The following TPCN1 variants were observed in gnomAD, a reference collection of about 807,000 sequenced individuals.
TPCN1 encodes the protein two pore channel protein 1.
Under a neutral mutation model 108.8 loss-of-function variants are expected in TPCN1, and 52 were observed. The observed-to-expected ratio is 0.48, with a 90% CI of 0.38 to 0.60. The LOEUF is 0.60. Among genes scored for constraint, TPCN1 ranks in the 20% least tolerant of loss-of-function variants. TPCN1 has a pLI of 0.00. For missense variants in TPCN1, 806 were observed against 1,072.8 expected, an observed-to-expected ratio of 0.75 and a Z score of 3.47; for synonymous variants, 446 against 433.7, an observed-to-expected ratio of 1.03 and a Z score of -0.35.
chr12:113,243,163 A>C (rs1343102066), intron 2 of TPCN1, among the ~76,000 whole-genome samples: 1 of 152,072 alleles, frequency 6.6e-6, no homozygotes, highest in Non-Finnish European at 1.5e-5. Flanking sequence ...TGATGTCAGA[A>C]GTTCAAGACC....
At chr12:113,222,018 C>T (rs1953252313) in intron 1 of TPCN1, among the ~76,000 whole-genome samples, 1 of 152,224 alleles carries the variant, frequency 6.6e-6, no homozygotes, top group African/African-American at 2.4e-5. Flanking sequence ...AGCTGAACCT[C>T]TTCCCCTAGG....
intron 27 of TPCN1, chr12:113,294,041 T>A (rs1039999479): frequency 6.6e-6 from 1 of 152,448 alleles, no homozygotes; most frequent in Non-Finnish European, 1.5e-5. Flanking sequence ...TTTCACCATG[T>A]TGGCCAGGCT....
At chr12:113,234,064 G>C (rs1953795082) in intron 2 of TPCN1, among the ~76,000 whole-genome samples, 1 of 151,938 alleles carries the variant, frequency 6.6e-6, no homozygotes. Context: ...TCTAAATGGA[G>C]TTCCATACCT....
At position 113,269,979 on chromosome 12, in the gene TPCN1, C is replaced by G; in HGVS notation, c.748+134C>G. The G allele has an allele frequency of 1.1e-6, 1 of 888,336 alleles. No individual in the cohort carries two copies. The highest frequency in any genetic ancestry group is 1.8e-6 in the Non-Finnish European group (1 of 565,468). The allele number at this position is 888,336 out of a possible 1,614,324, so 55.0% of individuals were successfully genotyped here. ...TGGGAGGCCAAGGTGGGTGGGTAAC[C>G]TAGGTCAGGAGTTTGAGGCCAGCCT... On this transcript the variant is annotated intron_variant, in intron 7 of 27. Transcript: ENST00000335509. The surrounding 1 kb of genome is among the most constrained non-coding windows in gnomAD (Gnocchi z 5.0).
Position 113,268,061 on chromosome 12 carries a change from A to G in TPCN1, c.528+105A>G. On this transcript the variant is annotated intron_variant, in intron 5 of 27. Transcript: ENST00000335509. This position sits in a 1 kb window ranked among gnomAD's most constrained non-coding sequence, Gnocchi z 7.3. ...TCAGAATCCACCATGGGCCCAGTCC[A>G]TGCTCAGAGGTGTAACCCTAGGGTC... 2.4e-6 allele frequency: 2 copies of G among 846,600 alleles called. No homozygotes were observed. Among genetic ancestry groups the G allele is most frequent in the South Asian group, 1.5e-5 (1 of 65,126 alleles). 52.4% of individuals were successfully genotyped at this position (846,600 alleles called of 1,614,324 possible).
At chr12:113,247,791 G>A (rs766030950) in intron 2 of TPCN1, among the ~76,000 whole-genome samples, 9 of 152,216 alleles carry the variant, frequency 5.9e-5, no homozygotes, top group Non-Finnish European at 1.2e-4. Flanking sequence ...TGGCTTTCTT[G>A]AAAAGTCCCT....
At position 113,288,155 on chromosome 12, in the gene TPCN1, T is replaced by C; in HGVS notation, c.1635-8T>C. The stretch of plus-strand genomic sequence containing the variant: ...TGTGTGGAGGTGACGGGTGTCCTCC[T>C]CGCTCAGGTTGTTTAAGTTGAAGGA... On this transcript the variant is annotated splice_polypyrimidine_tract_variant and splice_region_variant and intron_variant, in intron 19 of 27. Coordinates refer to ENST00000335509, the MANE Select transcript of TPCN1 (RefSeq NM_017901.6). The surrounding 1 kb of genome is among the most constrained non-coding windows in gnomAD (Gnocchi z 4.8). The C allele has an allele frequency of 1.2e-6, 2 of 1,611,418 alleles. No individual in the cohort carries two copies. Among genetic ancestry groups the C allele is most frequent in the Non-Finnish European group, 1.7e-6 (2 of 1,178,368 alleles).
chr12:113,294,453 C>A (rs1044001478), intron 27 of TPCN1, among the ~76,000 whole-genome samples: 1 of 152,026 alleles, frequency 6.6e-6, no homozygotes, highest in African/African-American at 2.4e-5. Flanking sequence ...ATGGTGAAAC[C>A]CTGTCTCTAC....
intron 2 of TPCN1, chr12:113,250,128 G>A (rs1238229285): frequency 6.6e-6 from 1 of 152,208 alleles, no homozygotes; most frequent in Non-Finnish European, 1.5e-5. Flanking sequence ...GCAGTTAATC[G>A]GGAGGTGGGA....
intron 2 of TPCN1, chr12:113,245,868 T>G (rs759136122): frequency 3.0e-5 from 13 of 437,906 alleles, no homozygotes; most frequent in Non-Finnish European, 6.0e-5. Flanking sequence ...TGCATCTTTA[T>G]AGCTGGCATA....
chr12:113,243,238 C>T (rs1291039072), intron 2 of TPCN1, among the ~76,000 whole-genome samples: 3 of 152,062 alleles, frequency 2.0e-5, no homozygotes, highest in South Asian at 4.2e-4. Flanking sequence ...GGCCTGATGG[C>T]GGGCGCCTGT....
chr12:113,273,673 G>C lies in TPCN1; in HGVS notation c.942+5G>C, dbSNP rs1400243476. The C allele has an allele frequency of 6.2e-7, 1 of 1,612,232 alleles. No individual in the cohort carries two copies. The highest frequency in any genetic ancestry group is 8.5e-7 in the Non-Finnish European group (1 of 1,178,334). ...CTGTATTTCATCATGAACCTGGTGA[G>C]TGACTATGCCTCAGGCTACGCTGAA... On this transcript the variant is annotated splice_donor_5th_base_variant and intron_variant, in intron 10 of 27. Transcript: ENST00000335509. The surrounding 1 kb of genome is among the most constrained non-coding windows in gnomAD (Gnocchi z 4.0).
In TPCN1 at chr12:113,290,194, G is replaced by A. The variant is rs1185153805; in HGVS notation, c.1863G>A (p.Glu621=). The A allele has an allele frequency of 6.2e-7, 1 of 1,607,934 alleles. No homozygotes were observed. The highest frequency in any genetic ancestry group is 8.5e-7 in the Non-Finnish European group (1 of 1,176,874). ...NHTVGNRTVV[E]EGYYYLNNFD... ...CCGTGGGCAACAGGACCGTGGTGGA[G>A]GAAGGCTACTATTATCTCAATAATT... Residue 621 remains glutamate, a synonymous_variant, in exon 22 of 28, where the codon GAG becomes GAA. Coordinates refer to ENST00000335509, the MANE Select transcript of TPCN1 (RefSeq NM_017901.6).
intron 2 of TPCN1, among the ~76,000 whole-genome samples, chr12:113,254,690 A>G (rs1954770229): frequency 6.6e-6 from 1 of 152,224 alleles, no homozygotes; most frequent in South Asian, 2.1e-4. Context: ...TAACCTGAAT[A>G]TCCAGAATGC....
At chr12:113,258,506 G>T (rs1024603753) in intron 2 of TPCN1, among the ~76,000 whole-genome samples, 3 of 151,982 alleles carry the variant, frequency 2.0e-5, no homozygotes, top group Non-Finnish European at 4.4e-5. Flanking sequence ...GAGTGGCTGG[G>T]CACAGTGGCC....
rs565286051 is a variant in TPCN1, at chr12:113,284,487, G to A, written c.1343-94G>A. The A allele has an allele frequency of 6.0e-5, 84 of 1,406,390 alleles. No individual in the cohort carries two copies. The East Asian group carries it at 1.7e-3, about 29-fold the overall frequency. The allele number at this position is 1,406,390 out of a possible 1,614,324, so 87.1% of individuals were successfully genotyped here. A position where few individuals can be genotyped will look rare whatever the true frequency, so the allele number is the denominator to read the frequency against. ...AGCCCTGTTCTCCCCATCCCGTAGA[G>A]CTCCAGGAAGTTAACCAGGGACTTC... On this transcript the variant is annotated intron_variant, in intron 15 of 27. Transcript: ENST00000335509. This position sits in a 1 kb window ranked among gnomAD's most constrained non-coding sequence, Gnocchi z 4.1.
intron 13 of TPCN1, 39 bp from the exon 14 acceptor site, chr12:113,278,732 TG>T: frequency 6.3e-7 from 1 of 1,575,790 alleles, no homozygotes; most frequent in Non-Finnish European, 8.7e-7. Context: ...CCCTGGTCCC[TG>T]GCCCTGACAC....
At position 113,268,763 on chromosome 12, in the gene TPCN1, T is replaced by G. The variant is rs769522350; in HGVS notation, c.550T>G (p.Phe184Val). The part of the protein sequence containing the change: ...MVKTSVLVVQ[F>V]VEAIVVLVRQ... Reference sequence around the variant, plus strand: ...ACAGACCTCGGTGCTGGTGGTGCAGTTTGTCGAGGCCATCGTGGTGTTGGT... The same window carrying G: ...ACAGACCTCGGTGCTGGTGGTGCAGGTTGTCGAGGCCATCGTGGTGTTGGT... The change falls in exon 6 of 28, where the codon TTT becomes GTT. Residue 184 changes from phenylalanine (F) to valine (V), a missense_variant. Physicochemically the swap from Phe to Val is conservative, Grantham distance 50. Transcript: ENST00000335509. This position sits in a 1 kb window ranked among gnomAD's most constrained non-coding sequence, Gnocchi z 7.3. 6.2e-7 allele frequency: 1 copy of G among 1,613,686 alleles called. No individual in the cohort carries two copies. Among genetic ancestry groups the G allele is most frequent in the South Asian group, 1.1e-5 (1 of 91,058 alleles).
chr12:113,295,933 C>T, intron 27 of TPCN1, 27 bp from the exon 28 acceptor site: 1 of 1,556,850 alleles, frequency 6.4e-7, no homozygotes, highest in Non-Finnish European at 8.7e-7. Context: ...GTGCAGCCCT[C>T]AGCACCCCTT....
Sources: gnomAD v4.1 joint callset for allele counts (sites outside exome capture counted in the v4.1 genomes callset) on GRCh38, gnomAD v4.1.1 for gene constraint, Gnocchi (gnomAD v3.1) non-coding constraint, MANE v1.5 for transcripts, NCBI Gene and HGNC (gene_info 2026-07-23, HGNC 2026-07-21) for gene names.